The following ANGPT2 variants were observed in gnomAD, a reference collection of about 807,000 sequenced individuals.
ANGPT2 encodes angiopoietin 2.
Under a neutral mutation model 62.9 loss-of-function variants are expected in ANGPT2, and 28 were observed. The observed-to-expected ratio is 0.44, with a 90% CI of 0.33 to 0.61. ANGPT2 has a LOEUF of 0.61. Among genes scored for constraint, ANGPT2 ranks in the 20% least tolerant of loss-of-function variants. The pLI, the probability that ANGPT2 is intolerant of heterozygous loss-of-function variation, is 0.03. For synonymous variants in ANGPT2, 284 were observed against 207.8 expected (o/e 1.37, Z -3.15); for missense variants, 727 against 594.9 (o/e 1.22, Z -2.31).
At chr8:6,525,732 T>C (rs1245942258) in intron 3 of ANGPT2, among the ~76,000 whole-genome samples, 1 of 152,204 alleles carries the variant, frequency 6.6e-6, no homozygotes, top group Non-Finnish European at 1.5e-5. Context: ...CACTATTTTC[T>C]TTTTTTATTA....
chr8:6,536,530 A>G (rs531760008), intron 1 of ANGPT2, among the ~76,000 whole-genome samples: 9 of 152,308 alleles, frequency 5.9e-5, no homozygotes, highest in African/African-American at 2.2e-4. Context: ...CCACCAGAAA[A>G]GCCCAGAATT....
At chr8:6,513,358 A>G (rs1291940052) in intron 7 of ANGPT2, among the ~76,000 whole-genome samples, 1 of 135,914 alleles carries the variant, frequency 7.4e-6, no homozygotes, top group Non-Finnish European at 1.5e-5. Context: ...TTTGAGACGG[A>G]GTCTTGCTCT....
chr8:6,517,847 A>G (rs1816566675), intron 5 of ANGPT2, among the ~76,000 whole-genome samples: 1 of 151,852 alleles, frequency 6.6e-6, no homozygotes, highest in Non-Finnish European at 1.5e-5. Context: ...TGACTTACAG[A>G]GTCTTAAGTC....
chr8:6,548,152 T>C (rs552888405), intron 1 of ANGPT2, among the ~76,000 whole-genome samples: 14 of 152,326 alleles, frequency 9.2e-5, no homozygotes, highest in Non-Finnish European at 2.1e-4. Context: ...TTGGTTCCAC[T>C]GGAATCTTGG....
intron 1 of ANGPT2, among the ~76,000 whole-genome samples, chr8:6,539,918 T>G (rs996966103): frequency 1.5e-4 from 23 of 152,240 alleles, no homozygotes; most frequent in Admixed American, 8.5e-4. Flanking sequence ...TATCTGATAC[T>G]GTATCTAGAT....
intron 8 of ANGPT2, among the ~76,000 whole-genome samples, chr8:6,504,542 T>C (rs995686942): frequency 6.6e-6 from 1 of 152,112 alleles, no homozygotes; most frequent in Non-Finnish European, 1.5e-5. Context: ...AAGTAACGCT[T>C]ATTTGACTTA....
At position 6,563,009 on chromosome 8, in the gene ANGPT2, G is replaced by T. The variant is rs1250200925; in HGVS notation, c.-75C>A. On this transcript the variant is annotated 5_prime_UTR_variant, in exon 1 of 9. Coordinates refer to ENST00000629816, the MANE Select transcript of ANGPT2 (RefSeq NM_001118887.2). ...ACGTCCAGAGTCCCGAGCTGCTGCCGTCTAAAACGCAGGGCTGCTACGCTG... is the reference window on the plus strand; with the variant it reads ...ACGTCCAGAGTCCCGAGCTGCTGCCTTCTAAAACGCAGGGCTGCTACGCTG... 5.4e-6 allele frequency: 8 copies of T among 1,481,424 alleles called. No homozygotes were observed. In the Admixed American group the frequency reaches 1.0e-4, roughly 19 times the overall value. The allele number at this position is 1,481,424 out of a possible 1,614,324, so 91.8% of individuals were successfully genotyped here.
chr8:6,559,665 C>T (rs990990629), intron 1 of ANGPT2, among the ~76,000 whole-genome samples: 1 of 152,086 alleles, frequency 6.6e-6, no homozygotes, highest in Non-Finnish European at 1.5e-5. Context: ...TTCCATATTT[C>T]CTCTTATCAG....
chr8:6,514,047 AC>A (rs1815729846), intron 6 of ANGPT2, among the ~76,000 whole-genome samples: 1 of 152,156 alleles, frequency 6.6e-6, no homozygotes. Flanking sequence ...CTGGAAGAAA[AC>A]TTGTATTAGG....
At chr8:6,507,043 G>A (rs766449921) in intron 8 of ANGPT2, among the ~76,000 whole-genome samples, 42 of 151,940 alleles carry the variant, frequency 2.8e-4, no homozygotes, top group Admixed American at 1.4e-3. Context: ...GATTACAGGC[G>A]TATGCCACCA....
intron 1 of ANGPT2, among the ~76,000 whole-genome samples, chr8:6,559,252 C>G (rs1825146255): frequency 6.6e-6 from 1 of 151,878 alleles, no homozygotes; most frequent in African/African-American, 2.4e-5. Flanking sequence ...CACACACACA[C>G]ACACACACAG....
chr8:6,557,298 A>T (rs1824781905), intron 1 of ANGPT2, among the ~76,000 whole-genome samples: 1 of 152,134 alleles, frequency 6.6e-6, no homozygotes, highest in Non-Finnish European at 1.5e-5. Flanking sequence ...GACTTAAAAA[A>T]ATATACAGGC....
At chr8:6,505,925 TA>T in intron 8 of ANGPT2, among the ~76,000 whole-genome samples, 1 of 87,554 alleles carries the variant, frequency 1.1e-5, no homozygotes, top group South Asian at 3.8e-4. Flanking sequence ...TATGTATATA[TA>T]AAAACATACA....
rs925323415 is a variant in ANGPT2 at position 6,502,620 on chromosome 8, T to C, written c.*481A>G. The C allele has an allele frequency of 1.3e-5, 2 of 152,858 alleles. No homozygotes were observed. The highest frequency in any genetic ancestry group is 4.8e-5 in the African/African-American group (2 of 41,486). The allele number at this position is 152,858 out of a possible 1,614,324, so 9.5% of individuals were successfully genotyped here. ...GAATATCCCTGAATATGTCTTTTTA[T>C]GGCTTAGAGAGTTTTTTTCTTCCTT... On this transcript the variant is annotated 3_prime_UTR_variant, in exon 9 of 9. Transcript: ENST00000629816.
intron 1 of ANGPT2, among the ~76,000 whole-genome samples, chr8:6,558,658 C>G (rs1277962884): frequency 6.6e-6 from 1 of 152,038 alleles, no homozygotes; most frequent in Non-Finnish European, 1.5e-5. Context: ...TATCTAGTGT[C>G]TCAATAGAAG....
chr8:6,507,572 C>CTTTTTTTTTTTT, intron 8 of ANGPT2: 1 of 104,810 alleles, frequency 9.5e-6, no homozygotes, highest in South Asian at 3.2e-4. Flanking sequence ...ACTTTCTTTT[C>CTTTTTTTTTTTT]TTTTTTTTTT....
chr8:6,527,540 T>A lies in ANGPT2; in HGVS notation c.566+15A>T, dbSNP rs1053423875. 6.2e-7 allele frequency: 1 copy of A among 1,611,582 alleles called. No individual in the cohort carries two copies. The highest frequency in any genetic ancestry group is 1.7e-5 in the Admixed American group (1 of 59,790). On this transcript the variant is annotated intron_variant, in intron 3 of 8. Transcript: ENST00000629816. ...GTGCAGTCCTGAATTATAAATGTTT[T>A]AGTACTGTTATTACCTGTTCTTATC... is the stretch of plus-strand genomic sequence containing the variant.
intron 5 of ANGPT2, among the ~76,000 whole-genome samples, chr8:6,517,353 T>C (rs907597615): frequency 6.6e-6 from 1 of 152,224 alleles, no homozygotes; most frequent in African/African-American, 2.4e-5. Context: ...ACGGGTTAAA[T>C]AGCAAACCAT....
At chr8:6,527,776 C>A in intron 2 of ANGPT2, 100 bp from the exon 3 acceptor site, 1 of 1,128,810 alleles carries the variant, frequency 8.9e-7, no homozygotes. Flanking sequence ...GAAAACATAA[C>A]AAAAACATTA....
Sources: allele counts gnomAD v4.1 joint callset (sites outside exome capture counted in the v4.1 genomes callset), GRCh38; gene constraint gnomAD v4.1.1; transcripts MANE v1.5; gene names NCBI Gene and HGNC (gene_info 2026-07-23, HGNC 2026-07-21).